The following ADAM23 variants were observed in gnomAD, a reference collection of about 807,000 sequenced individuals.
The protein encoded by ADAM23 is ADAM metallopeptidase domain 23, also known as disintegrin and metalloproteinase domain-containing protein 23.
ADAM23 carries 33 observed loss-of-function variants against 120.1 expected under a neutral mutation model. That is an observed-to-expected ratio of 0.27 (90% confidence interval 0.21 to 0.37). The LOEUF is 0.37. ADAM23 is among the 10% of genes least tolerant of loss of function. The pLI, the probability that ADAM23 is intolerant of heterozygous loss-of-function variation, is 1.00. For synonymous variants in ADAM23, 367 were observed against 375.2 expected, an observed-to-expected ratio of 0.98 and a Z score of 0.25; for missense variants, 862 against 1,058.2, an observed-to-expected ratio of 0.81 and a Z score of 2.57.
intron 3 of ADAM23, among the ~76,000 whole-genome samples, chr2:206,500,764 T>A (rs1190577796): frequency 6.6e-6 from 1 of 152,192 alleles, no homozygotes; most frequent in Admixed American, 6.5e-5. Flanking sequence ...GATACTTTCC[T>A]GCCAGCATTT....
At chr2:206,496,939 A>G (rs1288208626) in intron 3 of ADAM23, among the ~76,000 whole-genome samples, 1 of 152,204 alleles carries the variant, frequency 6.6e-6, no homozygotes, top group Non-Finnish European at 1.5e-5. Context: ...ACACTCTCCC[A>G]AGACTAAACC....
chr2:206,537,497 A>G lies in ADAM23; in HGVS notation c.574-4555A>G, dbSNP rs149294286. Among the ~76,000 whole-genome samples the G allele has an allele frequency of 8.2e-4, 125 of 152,242 alleles. 1 individual carries two copies. The highest frequency in any genetic ancestry group is 1.5e-3 in the South Asian group (7 of 4,818). On this transcript the variant is annotated intron_variant, in intron 4 of 25. Transcript: ENST00000264377. ...GCTGTATTGGAGTCAGGGTATTTTCAGACACACGGGTCTGCCTGTCTTCCC... is the reference window on the plus strand; with the variant it reads ...GCTGTATTGGAGTCAGGGTATTTTCGGACACACGGGTCTGCCTGTCTTCCC...
rs1698979992 is a variant in ADAM23 at position 206,618,556 on chromosome 2, GTC to G, written c.*935_*936del. ...TTGCTCCCCATCTTTTTTGTTTCTT[GTC>G]TCTCTTTCTCTGTCTCTGTCCTTCT... On this transcript the variant is annotated 3_prime_UTR_variant, in exon 26 of 26. Transcript: ENST00000264377. 6.6e-6 allele frequency: 1 copy of G among 151,756 alleles called. No individual in the cohort carries two copies. Among genetic ancestry groups the G allele is most frequent in the Non-Finnish European group, 1.5e-5 (1 of 67,930 alleles). 9.4% of individuals were successfully genotyped at this position (151,756 alleles called of 1,614,324 possible).
chr2:206,599,287 A>T (rs182890031), intron 24 of ADAM23, among the ~76,000 whole-genome samples: 1 of 152,016 alleles, frequency 6.6e-6, no homozygotes. Flanking sequence ...AATGAAGACA[A>T]TGGAGTCATT....
At chr2:206,472,395 A>G (rs2105869718) in intron 2 of ADAM23, among the ~76,000 whole-genome samples, 1 of 152,064 alleles carries the variant, frequency 6.6e-6, no homozygotes, top group East Asian at 1.9e-4. Flanking sequence ...GGATCACTTG[A>G]GGTCAGGAGT....
At chr2:206,568,703 A>G (rs1312976388) in intron 15 of ADAM23, among the ~76,000 whole-genome samples, 1 of 152,242 alleles carries the variant, frequency 6.6e-6, no homozygotes, top group Non-Finnish European at 1.5e-5. Context: ...TAACATGGCA[A>G]ATTTCGTATT....
At chr2:206,562,596 A>C (rs1369813295) in intron 13 of ADAM23, among the ~76,000 whole-genome samples, 1 of 152,330 alleles carries the variant, frequency 6.6e-6, no homozygotes, top group African/African-American at 2.4e-5. Flanking sequence ...GGGTTCTAGC[A>C]GCTGAGCAGA....
intron 6 of ADAM23, among the ~76,000 whole-genome samples, chr2:206,543,894 A>T (rs1422151526): frequency 6.6e-6 from 1 of 152,210 alleles, no homozygotes; most frequent in Non-Finnish European, 1.5e-5. Context: ...AAAACCAAAC[A>T]TTGTGTGTTC....
intron 24 of ADAM23, 65 bp from the exon 25 acceptor site, chr2:206,609,845 C>T (rs1051773333): frequency 1.0e-5 from 14 of 1,372,084 alleles, no homozygotes; most frequent in Non-Finnish European, 1.3e-5. Flanking sequence ...GCTTAACTGC[C>T]TTTCCCTTGT....
intron 2 of ADAM23, among the ~76,000 whole-genome samples, chr2:206,470,461 C>T (rs1465906846): frequency 1.3e-5 from 2 of 152,116 alleles, no homozygotes; most frequent in East Asian, 1.9e-4. Context: ...AGTGGTTGAT[C>T]GTTTCCAGAG....
chr2:206,482,636 G>A (rs1042637962), intron 3 of ADAM23, among the ~76,000 whole-genome samples: 3 of 152,174 alleles, frequency 2.0e-5, no homozygotes, highest in African/African-American at 4.8e-5. Flanking sequence ...GTAACATTTA[G>A]CATGCAAAGG....
intron 24 of ADAM23, among the ~76,000 whole-genome samples, chr2:206,597,911 G>T (rs1053086317): frequency 3.9e-5 from 6 of 152,206 alleles, no homozygotes; most frequent in Non-Finnish European, 1.5e-5. Flanking sequence ...TCAGGCGCAT[G>T]TGAATTGTTC....
At chr2:206,474,703 T>C (rs1695739021) in intron 2 of ADAM23, among the ~76,000 whole-genome samples, 1 of 152,018 alleles carries the variant, frequency 6.6e-6, no homozygotes, top group African/African-American at 2.4e-5. Flanking sequence ...GCCTCCTGAG[T>C]AGCTGGGACT....
intron 3 of ADAM23, among the ~76,000 whole-genome samples, chr2:206,519,094 G>A (rs1174212716): frequency 6.6e-6 from 1 of 152,074 alleles, no homozygotes; most frequent in Non-Finnish European, 1.5e-5. Flanking sequence ...AGACTAGTTG[G>A]ACAATGTTAG....
chr2:206,455,818 A>C (rs1695286102), intron 2 of ADAM23, among the ~76,000 whole-genome samples: 1 of 152,130 alleles, frequency 6.6e-6, no homozygotes, highest in Non-Finnish European at 1.5e-5. Flanking sequence ...AGTTCCCAAT[A>C]AGTTCCTCAT....
rs1219524232 is a variant in ADAM23 at position 206,538,535 on chromosome 2, A to C, written c.574-3517A>C. Among the ~76,000 whole-genome samples, 3 of 152,264 alleles carry C rather than the reference A, an allele frequency of 2.0e-5. No individual in the cohort carries two copies. In the East Asian group the frequency reaches 5.8e-4, roughly 29 times the overall value. On this transcript the variant is annotated intron_variant, in intron 4 of 25. Coordinates refer to ENST00000264377, the MANE Select transcript of ADAM23 (RefSeq NM_003812.4). ...TTAAGGACTGTGTAGTTTCTTTTCA[A>C]ATGTTTATCCAGACCTGCAGGAATA...
chr2:206,539,688 C>T (rs1697251494), intron 4 of ADAM23, among the ~76,000 whole-genome samples: 1 of 152,172 alleles, frequency 6.6e-6, no homozygotes, highest in Non-Finnish European at 1.5e-5. Context: ...GCTCCCTGTA[C>T]TGGCCCACTT....
chr2:206,544,074 C>A (rs1697347397), intron 6 of ADAM23, among the ~76,000 whole-genome samples: 1 of 152,110 alleles, frequency 6.6e-6, no homozygotes, highest in South Asian at 2.1e-4. Flanking sequence ...CACTAAAGAA[C>A]TTATTCATGT....
chr2:206,537,184 T>G (rs767988254), intron 4 of ADAM23, among the ~76,000 whole-genome samples: 3 of 152,144 alleles, frequency 2.0e-5, no homozygotes, highest in African/African-American at 4.8e-5. Flanking sequence ...ATTCTTTTCT[T>G]TATCAGTATA....
Sources: gnomAD v4.1 joint callset for allele counts (sites outside exome capture counted in the v4.1 genomes callset) on GRCh38, gnomAD v4.1.1 for gene constraint, MANE v1.5 for transcripts, NCBI Gene and HGNC (gene_info 2026-07-23, HGNC 2026-07-21) for gene names.